The following CHCHD3 variants were observed in gnomAD, a reference collection of about 807,000 sequenced individuals.
The protein encoded by CHCHD3 is MICOS complex subunit MIC19.
CHCHD3 carries 20 observed loss-of-function variants against 38.2 expected under a neutral mutation model. The ratio of observed to expected loss-of-function variants is 0.52; its 90% CI spans 0.37 to 0.76. The LOEUF is 0.76. Among genes scored for constraint, CHCHD3 ranks in the 30% least tolerant of loss-of-function variants. CHCHD3 has a pLI of 0.00. For missense variants in CHCHD3, 245 were observed against 279.2 expected, an observed-to-expected ratio of 0.88 and a Z score of 0.87; for synonymous variants, 82 against 100.0, an observed-to-expected ratio of 0.82 and a Z score of 1.07.
intron 3 of CHCHD3, among the ~76,000 whole-genome samples, chr7:132,986,424 G>GAAAAAAAAAAAAAAAAAA (rs59151340): frequency 1.4e-4 from 19 of 131,226 alleles, no homozygotes; most frequent in South Asian, 2.5e-4. Flanking sequence ...AAAGAAAAAA[G>GAAAAAAAAAAAAAAAAAA]AAAAAAAAAA....
chr7:133,044,572 ATCTG>A (rs1411654777), intron 2 of CHCHD3, among the ~76,000 whole-genome samples: 1 of 152,242 alleles, frequency 6.6e-6, no homozygotes, highest in Non-Finnish European at 1.5e-5. Flanking sequence ...ATTTAAAATA[ATCTG>A]TCCTCAGATA....
intron 3 of CHCHD3, among the ~76,000 whole-genome samples, chr7:133,017,016 C>T (rs946354950): frequency 3.9e-5 from 6 of 152,216 alleles, no homozygotes; most frequent in Non-Finnish European, 5.9e-5. Context: ...ACTCCTCAAA[C>T]ACAAAGTGTC....
chr7:132,837,461 G>T (rs993442580), intron 6 of CHCHD3, among the ~76,000 whole-genome samples: 4 of 152,186 alleles, frequency 2.6e-5, no homozygotes, highest in Non-Finnish European at 5.9e-5. Context: ...ACTACAGAAG[G>T]CTGAAGGGCT....
chr7:133,048,273 T>C (rs1436278639), intron 2 of CHCHD3, among the ~76,000 whole-genome samples: 2 of 152,190 alleles, frequency 1.3e-5, no homozygotes, highest in Non-Finnish European at 2.9e-5. Flanking sequence ...ACTCTGACAC[T>C]GGGCTGGGAA....
intron 6 of CHCHD3, among the ~76,000 whole-genome samples, chr7:132,821,917 C>A (rs1009727338): frequency 6.6e-6 from 1 of 151,856 alleles, no homozygotes; most frequent in South Asian, 2.1e-4. Flanking sequence ...CGCCCGCCAC[C>A]GCGCCCGGCT....
intron 6 of CHCHD3, among the ~76,000 whole-genome samples, chr7:132,823,645 G>A (rs1200810949): frequency 6.6e-6 from 1 of 152,118 alleles, no homozygotes; most frequent in Non-Finnish European, 1.5e-5. Context: ...TAATCAAGTG[G>A]ACTAGCAATA....
chr7:132,834,947 CATTT>C (rs71529781), intron 6 of CHCHD3, among the ~76,000 whole-genome samples: 3,237 of 147,340 alleles, frequency 0.022, 100 homozygotes, highest in African/African-American at 0.067. Flanking sequence ...TTTTTCCTCT[CATTT>C]ATTTATTTAT....
intron 2 of CHCHD3, among the ~76,000 whole-genome samples, chr7:133,062,756 C>T (rs1763309055): frequency 6.6e-6 from 1 of 152,128 alleles, no homozygotes; most frequent in South Asian, 2.1e-4. Context: ...ATACAACCTA[C>T]CTAAGAAAAC....
At chr7:132,973,279 T>C (rs1244221983) in intron 4 of CHCHD3, 2 of 985,294 alleles carry the variant, frequency 2.0e-6, no homozygotes, top group African/African-American at 3.5e-5. Context: ...AGAGTTTTGC[T>C]CTCGTACCTT....
intron 3 of CHCHD3, among the ~76,000 whole-genome samples, chr7:133,013,879 T>G (rs1812952285): frequency 6.6e-6 from 1 of 152,212 alleles, no homozygotes; most frequent in Non-Finnish European, 1.5e-5. Context: ...TTTCTTTTTT[T>G]TTGTTAAAGA....
At chr7:132,906,936 G>A (rs913089288) in intron 4 of CHCHD3, among the ~76,000 whole-genome samples, 3 of 152,136 alleles carry the variant, frequency 2.0e-5, no homozygotes, top group Non-Finnish European at 4.4e-5. Flanking sequence ...TAAACACAAA[G>A]CCTGATCTAA....
At chr7:132,937,477 C>T (rs769189071) in intron 4 of CHCHD3, among the ~76,000 whole-genome samples, 2 of 152,122 alleles carry the variant, frequency 1.3e-5, no homozygotes, top group Non-Finnish European at 2.9e-5. Flanking sequence ...ATACTGACTG[C>T]ATACAATTTT....
At chr7:132,834,763 C>T (rs1304018183) in intron 6 of CHCHD3, among the ~76,000 whole-genome samples, 1 of 152,038 alleles carries the variant, frequency 6.6e-6, no homozygotes, top group African/African-American at 2.4e-5. Flanking sequence ...CAATGTGTGA[C>T]AGTGCCCATG....
chr7:132,829,297 T>C (rs1005445536), intron 6 of CHCHD3, among the ~76,000 whole-genome samples: 2 of 152,140 alleles, frequency 1.3e-5, no homozygotes, highest in African/African-American at 4.8e-5. Flanking sequence ...AATATTATGA[T>C]ACAAGGAAGG....
chr7:132,854,584 AG>A (rs1228603172), intron 5 of CHCHD3, among the ~76,000 whole-genome samples: 1 of 152,162 alleles, frequency 6.6e-6, no homozygotes, highest in Admixed American at 6.5e-5. Flanking sequence ...AATTTTCAAA[AG>A]GGGGTTGGGG....
intron 5 of CHCHD3, among the ~76,000 whole-genome samples, chr7:132,881,824 C>T (rs746000460): frequency 5.3e-5 from 8 of 152,098 alleles, no homozygotes; most frequent in Non-Finnish European, 7.4e-5. Flanking sequence ...CATTGTAATT[C>T]TCACTGCCAT....
chr7:132,838,369 T>C (rs1252901680), intron 6 of CHCHD3, 30 bp downstream of exon 6: 1 of 1,445,290 alleles, frequency 6.9e-7, no homozygotes, highest in Admixed American at 1.7e-5. Flanking sequence ...TTAAGAATAG[T>C]AAATAATTAT....
intron 3 of CHCHD3, among the ~76,000 whole-genome samples, chr7:132,995,882 G>A (rs1216712186): frequency 6.6e-6 from 1 of 152,052 alleles, no homozygotes; most frequent in Non-Finnish European, 1.5e-5. Context: ...GCTACCATTT[G>A]TGAAGTACCT....
chr7:132,826,643 A>C (rs912167508), intron 6 of CHCHD3, among the ~76,000 whole-genome samples: 3 of 152,232 alleles, frequency 2.0e-5, no homozygotes, highest in African/African-American at 7.2e-5. Flanking sequence ...GGCGACACTA[A>C]CATATGAACA....
Sources: gnomAD v4.1 joint callset for allele counts (sites outside exome capture counted in the v4.1 genomes callset) on GRCh38, gnomAD v4.1.1 for gene constraint, MANE v1.5 for transcripts, NCBI Gene and HGNC (gene_info 2026-07-23, HGNC 2026-07-21) for gene names.